DPYSL3: variants seen among roughly 807,000 people sequenced by gnomAD.
DPYSL3 encodes the protein dihydropyrimidinase-related protein 3.
A neutral mutation model predicts 66.1 loss-of-function variants in DPYSL3; 16 were observed. The ratio of observed to expected loss-of-function variants is 0.24; its 90% CI spans 0.16 to 0.37. The LOEUF is 0.37. DPYSL3 is among the 10% of genes least tolerant of loss of function. The pLI is 1.00. For synonymous variants in DPYSL3, 338 were observed against 345.1 expected (o/e 0.98, Z 0.23); for missense variants, 738 against 916.2 (o/e 0.81, Z 2.51).
chr5:147,482,774 C>T (rs539454972), intron 1 of DPYSL3, among the ~76,000 whole-genome samples: 1 of 152,238 alleles, frequency 6.6e-6, no homozygotes, highest in Admixed American at 6.5e-5. Flanking sequence ...AAGATACTGC[C>T]TTAGACTGGG....
chr5:147,458,424 T>A (rs536849704), intron 1 of DPYSL3, among the ~76,000 whole-genome samples: 1 of 152,290 alleles, frequency 6.6e-6, no homozygotes, highest in Admixed American at 6.5e-5. Flanking sequence ...CACCCCTTGT[T>A]TAGCATATCA....
At chr5:147,399,029 G>A in intron 11 of DPYSL3, 53 bp downstream of exon 11, 2 of 1,590,444 alleles carry the variant, frequency 1.3e-6, no homozygotes, top group Non-Finnish European at 1.7e-6. Context: ...TCCTGACCAA[G>A]TTCCTTGCAT....
In DPYSL3 at chr5:147,408,804, GA is replaced by G; in HGVS notation, c.964-9del. On this transcript the variant is annotated splice_polypyrimidine_tract_variant and intron_variant, in intron 6 of 13. Coordinates refer to ENST00000343218, the MANE Select transcript of DPYSL3 (RefSeq NM_001197294.2). ...CAACATGCGGGTTTGCTCCTGAAAT[GA>G]AAAAAGAAAATAGTTCTTCAATAAG... is the stretch of plus-strand genomic sequence containing the variant. 6.2e-7 allele frequency: 1 copy of G among 1,613,938 alleles called. No homozygotes were observed. Among genetic ancestry groups the G allele is most frequent in the Non-Finnish European group, 8.5e-7 (1 of 1,179,946 alleles).
At chr5:147,484,604 C>T (rs1046138714) in intron 1 of DPYSL3, among the ~76,000 whole-genome samples, 4 of 152,184 alleles carry the variant, frequency 2.6e-5, no homozygotes, top group Admixed American at 6.5e-5. Context: ...ATTCTTTGTG[C>T]AAGCTACACA....
At chr5:147,449,875 A>C (rs891263838) in intron 1 of DPYSL3, among the ~76,000 whole-genome samples, 1 of 152,212 alleles carries the variant, frequency 6.6e-6, no homozygotes, top group Non-Finnish European at 1.5e-5. Context: ...CTACCTGTAG[A>C]ATTGATGGTG....
At chr5:147,474,193 T>C (rs973501911) in intron 1 of DPYSL3, among the ~76,000 whole-genome samples, 1 of 152,090 alleles carries the variant, frequency 6.6e-6, no homozygotes, top group Non-Finnish European at 1.5e-5. Context: ...GTACAGTGTC[T>C]GGTGCATCAT....
At chr5:147,502,172 A>G (rs1171235004) in intron 1 of DPYSL3, among the ~76,000 whole-genome samples, 1 of 152,088 alleles carries the variant, frequency 6.6e-6, no homozygotes, top group African/African-American at 2.4e-5. Flanking sequence ...GCAGCTCTCT[A>G]GGGCCGCTTT....
intron 1 of DPYSL3, chr5:147,453,882 C>G (rs1490726338): frequency 3.7e-5 from 21 of 571,638 alleles, no homozygotes; most frequent in Non-Finnish European, 5.2e-5. Context: ...AGCTGGGACC[C>G]CATAAGACAA....
intron 1 of DPYSL3, among the ~76,000 whole-genome samples, chr5:147,483,447 G>A (rs1294323053): frequency 1.3e-5 from 2 of 152,130 alleles, no homozygotes; most frequent in East Asian, 1.9e-4. Flanking sequence ...GCTGATTGAC[G>A]TCCATTCATT....
intron 3 of DPYSL3, among the ~76,000 whole-genome samples, chr5:147,417,429 CT>C (rs1410448545): frequency 6.6e-6 from 1 of 152,180 alleles, no homozygotes; most frequent in Non-Finnish European, 1.5e-5. Context: ...TGAATTGCAC[CT>C]TTTATGGCTT....
At chr5:147,469,743 C>T (rs1015736928) in intron 1 of DPYSL3, among the ~76,000 whole-genome samples, 2 of 152,150 alleles carry the variant, frequency 1.3e-5, no homozygotes, top group African/African-American at 4.8e-5. Flanking sequence ...AGAGGTCACC[C>T]ATTCTCACTG....
intron 1 of DPYSL3, among the ~76,000 whole-genome samples, chr5:147,455,231 C>A (rs980732831): frequency 1.3e-5 from 2 of 152,182 alleles, no homozygotes; most frequent in Non-Finnish European, 2.9e-5. Context: ...TCCATAAACC[C>A]GAAACGAACC....
intron 1 of DPYSL3, among the ~76,000 whole-genome samples, chr5:147,478,216 T>A (rs573312011): frequency 5.3e-5 from 8 of 152,362 alleles, no homozygotes; most frequent in African/African-American, 1.9e-4. Context: ...TCTGACATTT[T>A]AATTTTTACT....
intron 1 of DPYSL3, among the ~76,000 whole-genome samples, chr5:147,440,412 CTT>C (rs1752510910): frequency 6.6e-6 from 1 of 152,178 alleles, no homozygotes; most frequent in African/African-American, 2.4e-5. Flanking sequence ...GAAATTATGT[CTT>C]TGTAAAACTC....
chr5:147,412,852 G>A (rs1198858931), intron 5 of DPYSL3, among the ~76,000 whole-genome samples, 164 bp from the exon 6 acceptor site: 1 of 152,176 alleles, frequency 6.6e-6, no homozygotes, highest in South Asian at 2.1e-4. Context: ...AGGAGTGCTA[G>A]TCCAAAGAAA....
At chr5:147,428,299 A>G (rs1272905023) in intron 1 of DPYSL3, among the ~76,000 whole-genome samples, 1 of 152,092 alleles carries the variant, frequency 6.6e-6, no homozygotes. Flanking sequence ...GAGCAAAAAT[A>G]TCAAAACCTG....
intron 1 of DPYSL3, among the ~76,000 whole-genome samples, chr5:147,435,915 C>T (rs747184637): frequency 3.9e-4 from 60 of 152,052 alleles, no homozygotes; most frequent in Non-Finnish European, 8.1e-4. Context: ...ATTGCCAAGG[C>T]CAGAAGAGGG....
chr5:147,456,821 C>T (rs1041864131), intron 1 of DPYSL3, among the ~76,000 whole-genome samples: 15 of 152,090 alleles, frequency 9.9e-5, no homozygotes, highest in African/African-American at 3.4e-4. Flanking sequence ...GAACTCCTGA[C>T]CTCATGTGAT....
At chr5:147,460,734 G>A (rs1752919067) in intron 1 of DPYSL3, among the ~76,000 whole-genome samples, 1 of 152,190 alleles carries the variant, frequency 6.6e-6, no homozygotes, top group Non-Finnish European at 1.5e-5. Flanking sequence ...TTCGAATTTA[G>A]CCCCATAGAC....
Sources: gnomAD v4.1 joint callset for allele counts (sites outside exome capture counted in the v4.1 genomes callset) on GRCh38, gnomAD v4.1.1 for gene constraint, MANE v1.5 for transcripts, NCBI Gene and HGNC (gene_info 2026-07-23, HGNC 2026-07-21) for gene names.